ABTB3: variants seen among roughly 807,000 people sequenced by gnomAD.
ABTB3 encodes the protein ankyrin repeat- and BTB/POZ domain-containing protein 3.
chr12:107,571,404 G>T, the ABTB3 span, among the ~76,000 whole-genome samples: 1 of 152,234 alleles, frequency 6.6e-6, no homozygotes, highest in Non-Finnish European at 1.5e-5. Context: ...GGTTTCCTTT[G>T]TAAGGCTGTG....
the ABTB3 span, among the ~76,000 whole-genome samples, chr12:107,546,113 C>A: frequency 1.3e-5 from 2 of 152,150 alleles, no homozygotes; most frequent in East Asian, 3.8e-4. Context: ...GTGTGTATTT[C>A]TGTGTTTATT....
the ABTB3 span, among the ~76,000 whole-genome samples, chr12:107,622,238 G>C: frequency 6.6e-6 from 1 of 152,152 alleles, no homozygotes; most frequent in East Asian, 1.9e-4. Context: ...GGAGCGGGTA[G>C]GTGGAGGTTA....
At chr12:107,358,187 T>C in the ABTB3 span, among the ~76,000 whole-genome samples, 2 of 152,186 alleles carry the variant, frequency 1.3e-5, no homozygotes, top group African/African-American at 4.8e-5. Context: ...ATATAAAATA[T>C]ATAGCTTGTT....
chr12:107,333,519 A>C, the ABTB3 span, among the ~76,000 whole-genome samples: 1 of 151,284 alleles, frequency 6.6e-6, no homozygotes, highest in Non-Finnish European at 1.5e-5. Context: ...CAAGTGACTT[A>C]ACCTCTTTGG....
At chr12:107,533,066 T>C in the ABTB3 span, among the ~76,000 whole-genome samples, 3 of 151,436 alleles carry the variant, frequency 2.0e-5, no homozygotes, top group Non-Finnish European at 1.5e-5. Context: ...ATATCTACCC[T>C]GAAAAAAAAC....
At chr12:107,403,725 G>T in the ABTB3 span, among the ~76,000 whole-genome samples, 2 of 152,170 alleles carry the variant, frequency 1.3e-5, no homozygotes, top group African/African-American at 4.8e-5. Flanking sequence ...TTAGCTGAAA[G>T]TCGCAGATCC....
At chr12:107,560,329 G>C in the ABTB3 span, among the ~76,000 whole-genome samples, 2 of 152,178 alleles carry the variant, frequency 1.3e-5, no homozygotes, top group African/African-American at 4.8e-5. Context: ...CAACTGAGGG[G>C]TTAATTCACA....
chr12:107,407,870 C>T, the ABTB3 span, among the ~76,000 whole-genome samples: 22 of 152,086 alleles, frequency 1.4e-4, no homozygotes, highest in African/African-American at 5.1e-4. Context: ...CCAGATTTCT[C>T]CCATCTATGC....
chr12:107,549,558 C>T, the ABTB3 span, among the ~76,000 whole-genome samples: 1 of 152,242 alleles, frequency 6.6e-6, no homozygotes, highest in Non-Finnish European at 1.5e-5. Context: ...AAAGCTGAAC[C>T]TCTCATGACT....
chr12:107,485,059 T>A, the ABTB3 span, among the ~76,000 whole-genome samples: 2 of 152,290 alleles, frequency 1.3e-5, no homozygotes, highest in Non-Finnish European at 1.5e-5. Context: ...TATCTTTCCA[T>A]GCATGTAAGA....
the ABTB3 span, among the ~76,000 whole-genome samples, chr12:107,359,917 C>A: frequency 6.6e-6 from 1 of 152,040 alleles, no homozygotes; most frequent in Non-Finnish European, 1.5e-5. Context: ...AGGGTTATTG[C>A]CAATTTTATC....
the ABTB3 span, among the ~76,000 whole-genome samples, chr12:107,535,088 A>G: frequency 0.024 from 3,632 of 152,242 alleles, 146 homozygotes; most frequent in African/African-American, 0.082. Context: ...GAAACATAAT[A>G]CATCGTAATC....
the ABTB3 span, among the ~76,000 whole-genome samples, chr12:107,567,718 C>T: frequency 1.3e-5 from 2 of 152,184 alleles, no homozygotes; most frequent in Admixed American, 6.5e-5. Flanking sequence ...AGGCCGCATT[C>T]GATTCTCACA....
chr12:107,434,869 G>GAA, the ABTB3 span, among the ~76,000 whole-genome samples: 10 of 132,802 alleles, frequency 7.5e-5, no homozygotes, highest in African/African-American at 2.8e-4. Context: ...GTTGTCTTGG[G>GAA]AAAAAAAAAA....
the ABTB3 span, among the ~76,000 whole-genome samples, chr12:107,344,137 A>T: frequency 6.6e-6 from 1 of 152,170 alleles, no homozygotes; most frequent in South Asian, 2.1e-4. Flanking sequence ...TCACATGTGC[A>T]TTTTAAGCAG....
At chr12:107,631,891 A>C in the ABTB3 span, among the ~76,000 whole-genome samples, 1 of 152,240 alleles carries the variant, frequency 6.6e-6, no homozygotes, top group African/African-American at 2.4e-5. Context: ...CTCTACTGTA[A>C]ACTTCCTCTC....
the ABTB3 span, chr12:107,649,433 A>G: frequency 1.5e-6 from 1 of 679,250 alleles, no homozygotes; most frequent in East Asian, 2.7e-5. Context: ...CTGACTCCTC[A>G]GTCCTCCCAA....
the ABTB3 span, among the ~76,000 whole-genome samples, chr12:107,652,761 G>C: frequency 6.6e-6 from 1 of 152,212 alleles, no homozygotes; most frequent in Admixed American, 6.5e-5. Flanking sequence ...CACTTCATCA[G>C]TGGGGAGACT....
At chr12:107,463,136 G>A in the ABTB3 span, among the ~76,000 whole-genome samples, 1 of 151,672 alleles carries the variant, frequency 6.6e-6, no homozygotes, top group East Asian at 1.9e-4. Flanking sequence ...TGATGGTGAT[G>A]ATGGTGATGA....
Sources: gnomAD v4.1 joint callset for allele counts (sites outside exome capture counted in the v4.1 genomes callset) on GRCh38, gnomAD v4.1.1 for gene constraint, MANE v1.5 for transcripts, NCBI Gene and HGNC (gene_info 2026-07-23, HGNC 2026-07-21) for gene names.